PRKN: variants seen among roughly 807,000 people sequenced by gnomAD.
The protein encoded by PRKN is E3 ubiquitin-protein ligase parkin.
Under a neutral mutation model 59.5 loss-of-function variants are expected in PRKN, and 56 were observed. The observed-to-expected ratio is 0.94, with a 90% CI of 0.76 to 1.18. The LOEUF (loss-of-function observed/expected upper bound fraction) is 1.18, where lower values mean the gene tolerates loss of function less well. Ranked by LOEUF, PRKN falls within the 50% of genes most tolerant of loss-of-function variation. The probability of loss-of-function intolerance (pLI) is 0.00; values close to 1 mark genes in which losing one functional copy is unlikely to be tolerated. For synonymous variants in PRKN, 250 were observed against 222.1 expected, an observed-to-expected ratio of 1.13 and a Z score of -1.12; for missense variants, 657 against 596.4, an observed-to-expected ratio of 1.10 and a Z score of -1.06.
chr6:162,257,720 C>T (rs776676921), intron 3 of PRKN, among the ~76,000 whole-genome samples: 37 of 152,102 alleles, frequency 2.4e-4, no homozygotes, highest in Non-Finnish European at 4.3e-4. Context: ...TCACCGACAC[C>T]GCCTGCAGGT....
At chr6:162,101,394 C>T (rs889215532) in intron 4 of PRKN, among the ~76,000 whole-genome samples, 3 of 151,674 alleles carry the variant, frequency 2.0e-5, no homozygotes, top group African/African-American at 7.3e-5. Context: ...CTGGGCCAGG[C>T]GCGGTGGCTC....
chr6:161,698,462 T>C (rs1786114244), intron 7 of PRKN, among the ~76,000 whole-genome samples: 1 of 152,152 alleles, frequency 6.6e-6, no homozygotes, highest in African/African-American at 2.4e-5. Flanking sequence ...GAGAAATTGA[T>C]CAACTGATTC....
chr6:162,338,095 T>A (rs942775023), intron 2 of PRKN, among the ~76,000 whole-genome samples: 1 of 152,102 alleles, frequency 6.6e-6, no homozygotes, highest in African/African-American at 2.4e-5. Context: ...ACTAGGACAG[T>A]GGCCCGGGAG....
chr6:162,597,630 T>A (rs1293873772), intron 1 of PRKN, among the ~76,000 whole-genome samples: 1 of 152,212 alleles, frequency 6.6e-6, no homozygotes, highest in African/African-American at 2.4e-5. Context: ...TATTTATCTG[T>A]TTTGAAATGC....
chr6:162,625,349 T>A (rs1782840902), intron 1 of PRKN, among the ~76,000 whole-genome samples: 1 of 152,204 alleles, frequency 6.6e-6, no homozygotes, highest in Non-Finnish European at 1.5e-5. Context: ...CTATCTAGTG[T>A]AGGTTTATAA....
intron 1 of PRKN, among the ~76,000 whole-genome samples, chr6:162,674,234 G>C (rs1247773763): frequency 6.6e-6 from 1 of 152,122 alleles, no homozygotes; most frequent in Non-Finnish European, 1.5e-5. Context: ...GTTGGATGAA[G>C]CCCCACCAAT....
intron 2 of PRKN, among the ~76,000 whole-genome samples, chr6:162,305,928 T>C (rs909006767): frequency 3.3e-5 from 5 of 152,148 alleles, no homozygotes; most frequent in African/African-American, 1.2e-4. Flanking sequence ...TAATGACATG[T>C]TGATATCATC....
chr6:161,717,989 G>T (rs1000596002), intron 7 of PRKN, among the ~76,000 whole-genome samples: 1 of 152,202 alleles, frequency 6.6e-6, no homozygotes, highest in Non-Finnish European at 1.5e-5. Context: ...CAAAACAGAC[G>T]CATGGCAGAA....
At chr6:161,846,359 G>C (rs963226360) in intron 6 of PRKN, among the ~76,000 whole-genome samples, 2 of 152,092 alleles carry the variant, frequency 1.3e-5, no homozygotes, top group African/African-American at 2.4e-5. Flanking sequence ...CAGGTAATAG[G>C]CTATTTTACA....
chr6:161,815,820 C>A (rs1395994207), intron 6 of PRKN, among the ~76,000 whole-genome samples: 1 of 152,150 alleles, frequency 6.6e-6, no homozygotes, highest in Non-Finnish European at 1.5e-5. Flanking sequence ...GCAGAGAGAG[C>A]TGCACAGAGA....
intron 4 of PRKN, among the ~76,000 whole-genome samples, chr6:162,070,752 A>G (rs933390049): frequency 5.3e-5 from 8 of 152,142 alleles, no homozygotes; most frequent in Non-Finnish European, 8.8e-5. Flanking sequence ...ACAGTTCACA[A>G]TAGAGTTCTT....
rs193211931 is a variant in PRKN, at chr6:161,806,890, G to A, written c.735-20982C>T. On this transcript the variant is annotated intron_variant, in intron 6 of 11. Transcript: ENST00000366898. The stretch of plus-strand genomic sequence containing the variant: ...CACGCAGGATCAATTGAGAACATGT[G>A]AAATTTTTCGCAAATAGTGAGAAAT... Among the ~76,000 whole-genome samples, 977 of 152,222 alleles carry A rather than the reference G, an allele frequency of 6.4e-3. 2 individuals are homozygous for A. Among genetic ancestry groups the A allele is most frequent in the Non-Finnish European group, 0.01 (702 of 68,026 alleles).
chr6:162,090,277 T>C (rs952432959), intron 4 of PRKN, among the ~76,000 whole-genome samples: 7 of 152,198 alleles, frequency 4.6e-5, no homozygotes, highest in Non-Finnish European at 7.3e-5. Context: ...TAAAAACTTA[T>C]AGTGGATTTA....
intron 2 of PRKN, among the ~76,000 whole-genome samples, chr6:162,352,957 G>A (rs1014909166): frequency 4.6e-5 from 7 of 151,936 alleles, no homozygotes; most frequent in Non-Finnish European, 8.8e-5. Context: ...CAAAAATGTG[G>A]GTTCCTTATT....
chr6:162,358,787 G>C (rs536918718), intron 2 of PRKN, among the ~76,000 whole-genome samples: 1 of 152,038 alleles, frequency 6.6e-6, no homozygotes, highest in African/African-American at 2.4e-5. Context: ...AGGCCAGGCA[G>C]AGCAGCTCAC....
intron 2 of PRKN, among the ~76,000 whole-genome samples, chr6:162,403,951 T>A (rs1787931612): frequency 6.6e-6 from 1 of 152,188 alleles, no homozygotes. Context: ...CTTACCTGTT[T>A]TTTTCATGGC....
At chr6:162,319,844 T>A (rs1782912255) in intron 2 of PRKN, among the ~76,000 whole-genome samples, 1 of 151,974 alleles carries the variant, frequency 6.6e-6, no homozygotes, top group Non-Finnish European at 1.5e-5. Context: ...CATGCTTATT[T>A]TTCAACTAAT....
chr6:161,921,197 C>T (rs1443074854), intron 6 of PRKN, among the ~76,000 whole-genome samples: 2 of 152,094 alleles, frequency 1.3e-5, no homozygotes, highest in Non-Finnish European at 2.9e-5. Context: ...GACACTGACA[C>T]ACACATTAGC....
chr6:162,053,990 G>A lies in PRKN; in HGVS notation c.618+101C>T. On this transcript the variant is annotated intron_variant, in intron 5 of 11. Transcript: ENST00000366898. ...CACTTTTGGCAAACATTATTAGATGGAAGAACAGTCAGTTGACATTTTGTC... is the reference window on the plus strand; with the variant it reads ...CACTTTTGGCAAACATTATTAGATGAAAGAACAGTCAGTTGACATTTTGTC... 3.5e-6 allele frequency: 3 copies of A among 856,802 alleles called. No homozygotes were observed. The South Asian group carries it at 4.0e-5, about 11-fold the overall frequency. The allele number at this position is 856,802 out of a possible 1,614,324, so 53.1% of individuals were successfully genotyped here.
Sources: allele counts gnomAD v4.1 joint callset (sites outside exome capture counted in the v4.1 genomes callset), GRCh38; gene constraint gnomAD v4.1.1; transcripts MANE v1.5; gene names NCBI Gene and HGNC (gene_info 2026-07-23, HGNC 2026-07-21).